Variants in CNTN5 observed in about 807,000 individuals in gnomAD.
CNTN5 encodes contactin 5.
A neutral mutation model predicts 129.1 loss-of-function variants in CNTN5; 77 were observed. That is an observed-to-expected ratio of 0.60 (90% CI 0.50 to 0.72). The LOEUF (loss-of-function observed/expected upper bound fraction) is 0.72. CNTN5 is among the 30% of genes least tolerant of loss of function. CNTN5 has a pLI of 0.00. For missense variants in CNTN5, 1,478 were observed against 1,328.8 expected, an observed-to-expected ratio of 1.11 and a Z score of -1.75; for synonymous variants, 509 against 465.6, an observed-to-expected ratio of 1.09 and a Z score of -1.20.
intron 8 of CNTN5, among the ~76,000 whole-genome samples, chr11:99,992,311 G>A: frequency 6.6e-6 from 1 of 152,178 alleles, no homozygotes; most frequent in East Asian, 1.9e-4. Flanking sequence ...AGCCAATGAG[G>A]AAAAACACTC....
At chr11:99,905,222 T>C (rs1375608689) in intron 6 of CNTN5, among the ~76,000 whole-genome samples, 2 of 152,348 alleles carry the variant, frequency 1.3e-5, no homozygotes, top group Middle Eastern at 3.4e-3. Flanking sequence ...CCCATGCCTA[T>C]GTCCCGAATG....
Position 100,356,230 on chromosome 11 carries a change from A to T in CNTN5, c.*10A>T, listed in dbSNP as rs1374800095. The T allele has an allele frequency of 8.2e-6, 13 of 1,579,906 alleles. No individual in the cohort carries two copies. Among genetic ancestry groups the T allele is most frequent in the South Asian group, 1.1e-5 (1 of 88,538 alleles). On this transcript the variant is annotated 3_prime_UTR_variant, in exon 25 of 25. Transcript: ENST00000524871. The stretch of plus-strand genomic sequence containing the variant: ...TTCAACTTCCTGGTGAAAACTGCTG[A>T]CTTAATTTGCTTTTGTTTGCTTTAG...
chr11:100,161,877 CAA>C (rs1591337556), intron 13 of CNTN5, among the ~76,000 whole-genome samples: 68 of 88,326 alleles, frequency 7.7e-4, no homozygotes, highest in African/African-American at 3.2e-3. Context: ...ACACACAAAA[CAA>C]AAAACAAAAA....
At chr11:100,112,069 G>C (rs994148799) in intron 13 of CNTN5, among the ~76,000 whole-genome samples, 2 of 152,112 alleles carry the variant, frequency 1.3e-5, no homozygotes, top group Admixed American at 1.3e-4. Context: ...TTACACCTCC[G>C]TGTTGACTTG....
chr11:99,575,318 G>T (rs1258517103), intron 3 of CNTN5, among the ~76,000 whole-genome samples: 1 of 152,284 alleles, frequency 6.6e-6, no homozygotes, highest in East Asian at 1.9e-4. Flanking sequence ...GCTGTTGGCA[G>T]TGGTCTGAGA....
chr11:99,656,736 A>C (rs961026940), intron 3 of CNTN5, among the ~76,000 whole-genome samples: 1 of 152,142 alleles, frequency 6.6e-6, no homozygotes, highest in African/African-American at 2.4e-5. Context: ...CAAGGCTGCA[A>C]AACACCAGGA....
chr11:99,581,377 T>C (rs1198564715), intron 3 of CNTN5, among the ~76,000 whole-genome samples: 3 of 149,096 alleles, frequency 2.0e-5, no homozygotes, highest in Non-Finnish European at 4.4e-5. Context: ...GTTCAATTCC[T>C]GGGTATCCTT....
At chr11:99,862,578 A>G (rs1030336218) in intron 6 of CNTN5, among the ~76,000 whole-genome samples, 1 of 152,072 alleles carries the variant, frequency 6.6e-6, no homozygotes, top group Non-Finnish European at 1.5e-5. Flanking sequence ...TTTGTTGTCT[A>G]TTTCTTATAA....
intron 2 of CNTN5, among the ~76,000 whole-genome samples, chr11:99,554,821 G>A (rs973563178): frequency 6.6e-6 from 1 of 151,998 alleles, no homozygotes; most frequent in Non-Finnish European, 1.5e-5. Flanking sequence ...CTGGTAAAAA[G>A]CAGTGTATAA....
intron 13 of CNTN5, among the ~76,000 whole-genome samples, chr11:100,154,217 T>A (rs1947159957): frequency 6.6e-6 from 1 of 152,120 alleles, no homozygotes; most frequent in Admixed American, 6.6e-5. Flanking sequence ...TTTCTGTTCT[T>A]GTGTTTGTTT....
intron 2 of CNTN5, among the ~76,000 whole-genome samples, chr11:99,498,786 G>A (rs1946323170): frequency 2.6e-5 from 4 of 152,168 alleles, no homozygotes; most frequent in Admixed American, 2.0e-4. Context: ...TTCTTCCCTT[G>A]AAGGAGGTAA....
chr11:99,288,667 T>G (rs954182662), intron 1 of CNTN5, among the ~76,000 whole-genome samples: 11 of 152,008 alleles, frequency 7.2e-5, no homozygotes, highest in African/African-American at 2.6e-4. Flanking sequence ...TACAAAGGAA[T>G]AGAAGAATTG....
At chr11:99,454,507 G>A (rs2135207089) in intron 2 of CNTN5, among the ~76,000 whole-genome samples, 1 of 152,188 alleles carries the variant, frequency 6.6e-6, no homozygotes, top group South Asian at 2.1e-4. Flanking sequence ...TGAAGAAGGT[G>A]CCTTGCTTCC....
chr11:99,409,221 T>G (rs1376037323), intron 2 of CNTN5, among the ~76,000 whole-genome samples: 2 of 152,192 alleles, frequency 1.3e-5, no homozygotes, highest in Non-Finnish European at 1.5e-5. Context: ...TCCCAGCACT[T>G]TGGGAGGCCA....
intron 2 of CNTN5, among the ~76,000 whole-genome samples, chr11:99,510,393 A>G (rs1591187375): frequency 6.6e-6 from 1 of 152,202 alleles, no homozygotes; most frequent in Non-Finnish European, 1.5e-5. Context: ...TCAAAGTGAA[A>G]CTGCACGCAT....
chr11:99,507,321 G>A (rs1325084004), intron 2 of CNTN5, among the ~76,000 whole-genome samples: 2 of 143,694 alleles, frequency 1.4e-5, no homozygotes, highest in Non-Finnish European at 1.5e-5. Flanking sequence ...AAGTTGCAGT[G>A]AGCCGAGATG....
chr11:100,017,374 A>G (rs1336313589), intron 9 of CNTN5, among the ~76,000 whole-genome samples: 2 of 151,978 alleles, frequency 1.3e-5, no homozygotes, highest in Non-Finnish European at 2.9e-5. Flanking sequence ...TTGCATTTTA[A>G]TATCTCTGAA....
At chr11:100,044,782 C>G (rs1471323348) in intron 9 of CNTN5, among the ~76,000 whole-genome samples, 1 of 151,978 alleles carries the variant, frequency 6.6e-6, no homozygotes, top group Non-Finnish European at 1.5e-5. Flanking sequence ...TTCAGGTTGT[C>G]TGTTCACGCT....
In CNTN5 at chr11:99,423,572, CA is replaced by C. The variant is rs1209734568; in HGVS notation, c.-71+98089del. ...AGGAAAATCTATTTCCTATTTTCAA[CA>C]GTGAGAATTAAGCCTCTTATTTTTA... is the stretch of plus-strand genomic sequence containing the variant. On this transcript the variant is annotated intron_variant, in intron 2 of 24. Coordinates refer to ENST00000524871, the MANE Select transcript of CNTN5 (RefSeq NM_014361.4). 2.2e-4 allele frequency among the ~76,000 whole-genome samples: 34 copies of C among 152,324 alleles called. 1 individual carries two copies. The highest frequency in any genetic ancestry group is 7.5e-4 in the African/African-American group (31 of 41,568).
Sources: gnomAD v4.1 joint callset for allele counts (sites outside exome capture counted in the v4.1 genomes callset) on GRCh38, gnomAD v4.1.1 for gene constraint, MANE v1.5 for transcripts, NCBI Gene and HGNC (gene_info 2026-07-23, HGNC 2026-07-21) for gene names.